DPP6: variants seen among roughly 807,000 people sequenced by gnomAD.
DPP6 encodes the protein dipeptidyl peptidase like 6, also known as A-type potassium channel modulatory protein DPP6.
Under a neutral mutation model 122.6 loss-of-function variants are expected in DPP6, and 69 were observed. That is an observed-to-expected ratio of 0.56 (90% confidence interval 0.46 to 0.69). DPP6 has a LOEUF of 0.69. Ranked by LOEUF, DPP6 falls within the 30% of genes least tolerant of loss-of-function variation. The probability of loss-of-function intolerance (pLI) is 0.00; values close to 1 mark genes in which losing one functional copy is unlikely to be tolerated. For missense variants in DPP6, 928 were observed against 1,116.9 expected (o/e 0.83, Z 2.41); for synonymous variants, 418 against 433.1 (o/e 0.97, Z 0.43).
intron 1 of DPP6, among the ~76,000 whole-genome samples, chr7:154,355,699 C>T (rs1314712027): frequency 6.6e-6 from 1 of 152,180 alleles, no homozygotes; most frequent in Non-Finnish European, 1.5e-5. Flanking sequence ...GACTTTCTAT[C>T]TGTTCCCCTG....
intron 8 of DPP6, among the ~76,000 whole-genome samples, chr7:154,766,431 C>T (rs891954355): frequency 6.6e-6 from 1 of 152,200 alleles, no homozygotes; most frequent in African/African-American, 2.4e-5. Context: ...TCTCCTGCCT[C>T]AGCCTCCCGA....
chr7:154,582,152 C>CT (rs1403596108), intron 5 of DPP6, among the ~76,000 whole-genome samples: 2 of 152,176 alleles, frequency 1.3e-5, no homozygotes, highest in Admixed American at 1.3e-4. Flanking sequence ...TGGAAACAGT[C>CT]TGAGTGCTTG....
chr7:154,628,437 T>C (rs1835216139), intron 5 of DPP6, among the ~76,000 whole-genome samples: 1 of 152,196 alleles, frequency 6.6e-6, no homozygotes, highest in African/African-American at 2.4e-5. Context: ...CAGGTAGCTT[T>C]GTTTCCAGAC....
chr7:154,245,480 C>G (rs1801915565), intron 1 of DPP6, among the ~76,000 whole-genome samples: 2 of 151,130 alleles, frequency 1.3e-5, no homozygotes, highest in African/African-American at 2.4e-5. Flanking sequence ...ACTAAAAATA[C>G]AAAAATTAGC....
At chr7:154,435,575 C>T (rs961059458) in intron 1 of DPP6, among the ~76,000 whole-genome samples, 4 of 152,202 alleles carry the variant, frequency 2.6e-5, no homozygotes, top group Non-Finnish European at 4.4e-5. Context: ...GAAACAGAGA[C>T]GGGGATGTGC....
chr7:154,510,749 G>A (rs1179633947), intron 3 of DPP6, among the ~76,000 whole-genome samples: 1 of 151,598 alleles, frequency 6.6e-6, no homozygotes, highest in African/African-American at 2.4e-5. Flanking sequence ...GGTAATATTG[G>A]AGCAAGTAAG....
At chr7:154,578,498 TATTCGGGCTTGGCAGGGG>T in intron 5 of DPP6, among the ~76,000 whole-genome samples, 1 of 1,406 alleles carries the variant, frequency 7.1e-4, no homozygotes, top group Admixed American at 9.4e-3. Context: ...AAGCAGGGGC[TATTCGGGCTTGGCAGGGG>T]CTATTCGGGC....
At chr7:153,776,820 A>T in the DPP6 span, among the ~76,000 whole-genome samples, 1 of 152,338 alleles carries the variant, frequency 6.6e-6, no homozygotes, top group South Asian at 2.1e-4. Flanking sequence ...AAATTTCTTT[A>T]AAAAATTGGG....
At chr7:154,692,248 A>G (rs1214564718) in intron 7 of DPP6, among the ~76,000 whole-genome samples, 1 of 152,230 alleles carries the variant, frequency 6.6e-6, no homozygotes, top group African/African-American at 2.4e-5. Context: ...GACTTGTAGC[A>G]AGACAAGCCT....
At chr7:153,772,909 A>AT in the DPP6 span, among the ~76,000 whole-genome samples, 2 of 146,412 alleles carry the variant, frequency 1.4e-5, no homozygotes, top group Non-Finnish European at 3.0e-5. Flanking sequence ...TTTATATATT[A>AT]TTATATAATA....
chr7:154,757,681 C>G (rs544706261), intron 8 of DPP6, among the ~76,000 whole-genome samples: 1 of 152,194 alleles, frequency 6.6e-6, no homozygotes, highest in Non-Finnish European at 1.5e-5. Context: ...CTTATCTATC[C>G]TCTGGAGAGT....
intron 4 of DPP6, among the ~76,000 whole-genome samples, chr7:154,554,196 A>C (rs1457259323): frequency 6.6e-6 from 1 of 151,802 alleles, no homozygotes; most frequent in African/African-American, 2.4e-5. Context: ...CGCCAGGCCC[A>C]AGGGTTCTGT....
chr7:154,815,234 A>G lies in DPP6; in HGVS notation c.1666+8122A>G, dbSNP rs138118171. Among the ~76,000 whole-genome samples the G allele has an allele frequency of 1.3e-4, 20 of 152,324 alleles. No homozygotes were observed. The East Asian group carries it at 2.9e-3, about 22-fold the overall frequency. ...CTGAAGGAAGTAATGTGATACTACC[A>G]TATCTTTGGATAGCAACTCTAGCAT... On this transcript the variant is annotated intron_variant, in intron 16 of 25. Coordinates refer to ENST00000377770, the MANE Select transcript of DPP6 (RefSeq NM_130797.4).
At chr7:154,361,156 C>T (rs34652179) in intron 1 of DPP6, among the ~76,000 whole-genome samples, 1,830 of 152,016 alleles carry the variant, frequency 0.012, 16 homozygotes, top group Non-Finnish European at 0.019. Flanking sequence ...TGCTGGATTC[C>T]GTAGGCCAGT....
chr7:153,918,993 A>AAAG (rs1563006834), intron 1 of DPP6, among the ~76,000 whole-genome samples: 3 of 151,576 alleles, frequency 2.0e-5, no homozygotes, highest in Non-Finnish European at 4.4e-5. Context: ...AAAAAAAAAA[A>AAAG]AAAAGAAAAT....
At chr7:154,558,687 T>A (rs1034528914) in intron 4 of DPP6, among the ~76,000 whole-genome samples, 8 of 152,242 alleles carry the variant, frequency 5.3e-5, no homozygotes, top group Non-Finnish European at 1.5e-5. Flanking sequence ...CTATGCCATA[T>A]GGCCTAGGTG....
chr7:154,565,273 C>T (rs1468557043), intron 4 of DPP6, among the ~76,000 whole-genome samples: 1 of 152,284 alleles, frequency 6.6e-6, no homozygotes, highest in Non-Finnish European at 1.5e-5. Flanking sequence ...GTTCAGTATC[C>T]ACTAGTTGCA....
intron 1 of DPP6, among the ~76,000 whole-genome samples, chr7:153,976,780 G>T (rs1003389073): frequency 6.6e-6 from 1 of 152,152 alleles, no homozygotes; most frequent in Non-Finnish European, 1.5e-5. Flanking sequence ...ATGCCCATGG[G>T]GACTTGATTG....
intron 5 of DPP6, chr7:154,588,112 G>A (rs1305843274): frequency 1.9e-6 from 3 of 1,583,896 alleles, no homozygotes; most frequent in Non-Finnish European, 8.6e-7. Context: ...GCCAGCACAG[G>A]CTTGTTCCTT....
Sources: allele counts gnomAD v4.1 joint callset (sites outside exome capture counted in the v4.1 genomes callset), GRCh38; gene constraint gnomAD v4.1.1; transcripts MANE v1.5; gene names NCBI Gene and HGNC (gene_info 2026-07-23, HGNC 2026-07-21).